The following PLEK variants were observed in gnomAD, a reference collection of about 807,000 sequenced individuals.
The protein encoded by PLEK is pleckstrin, also known as platelet 47 kDa protein.
In PLEK, 25 loss-of-function variants were observed where a neutral mutation model predicts 43.9. The ratio of observed to expected loss-of-function variants is 0.57; its 90% CI spans 0.41 to 0.79. The LOEUF (loss-of-function observed/expected upper bound fraction) is 0.79. PLEK is among the 30% of genes least tolerant of loss of function. PLEK has a pLI of 0.00. For missense variants in PLEK, 396 were observed against 413.3 expected, an observed-to-expected ratio of 0.96 and a Z score of 0.36; for synonymous variants, 152 against 144.4, an observed-to-expected ratio of 1.05 and a Z score of -0.38.
intron 6 of PLEK, among the ~76,000 whole-genome samples, chr2:68,391,043 T>C (rs1042515800): frequency 5.9e-5 from 9 of 152,232 alleles, no homozygotes; most frequent in African/African-American, 1.9e-4. Context: ...TGATTTATCA[T>C]AGGCAATGAA....
chr2:68,385,270 A>G (rs963485814), intron 4 of PLEK, among the ~76,000 whole-genome samples: 3 of 152,292 alleles, frequency 2.0e-5, no homozygotes, highest in East Asian at 3.9e-4. Context: ...AAGAACAAAC[A>G]TGCTGTTTTT....
At chr2:68,374,023 T>C (rs1237802528) in intron 1 of PLEK, among the ~76,000 whole-genome samples, 2 of 152,332 alleles carry the variant, frequency 1.3e-5, no homozygotes, top group East Asian at 3.9e-4. Flanking sequence ...ATTATTCATA[T>C]AGCCTTTACC....
chr2:68,370,774 T>G (rs935346764), intron 1 of PLEK, among the ~76,000 whole-genome samples: 1 of 152,184 alleles, frequency 6.6e-6, no homozygotes, highest in Non-Finnish European at 1.5e-5. Flanking sequence ...GTGTGAGTAC[T>G]GCGCTCAGAG....
At chr2:68,392,559 G>C (rs1045520397) in intron 6 of PLEK, among the ~76,000 whole-genome samples, 1 of 152,138 alleles carries the variant, frequency 6.6e-6, no homozygotes, top group Non-Finnish European at 1.5e-5. Flanking sequence ...ATTCTAGCCA[G>C]ACTGGTCTTA....
intron 7 of PLEK, among the ~76,000 whole-genome samples, chr2:68,393,709 C>A (rs891889846): frequency 1.3e-5 from 2 of 152,156 alleles, no homozygotes; most frequent in African/African-American, 2.4e-5. Context: ...GTAGGGTGCT[C>A]ACCCTCCGCT....
chr2:68,377,914 G>T (rs115049854), intron 1 of PLEK, among the ~76,000 whole-genome samples: 1 of 152,074 alleles, frequency 6.6e-6, no homozygotes, highest in African/African-American at 2.4e-5. Context: ...AATTACCACC[G>T]TTCATTCCAC....
At chr2:68,395,180 C>T (rs1471681016) in intron 8 of PLEK, among the ~76,000 whole-genome samples, 3 of 149,710 alleles carry the variant, frequency 2.0e-5, no homozygotes, top group Non-Finnish European at 3.0e-5. Context: ...TGTATATAAA[C>T]ATATATATAT....
At chr2:68,377,652 C>A (rs1673531484) in intron 1 of PLEK, among the ~76,000 whole-genome samples, 1 of 152,072 alleles carries the variant, frequency 6.6e-6, no homozygotes, top group African/African-American at 2.4e-5. Context: ...GTCTGAGCTC[C>A]TGATATATTC....
chr2:68,380,552 A>T, intron 2 of PLEK, 69 bp downstream of exon 2: 1 of 1,513,252 alleles, frequency 6.6e-7, no homozygotes, highest in Non-Finnish European at 9.1e-7. Context: ...AGCATTGCCT[A>T]CAATGTGGGT....
At chr2:68,391,362 T>C (rs1673855567) in intron 6 of PLEK, among the ~76,000 whole-genome samples, 1 of 152,212 alleles carries the variant, frequency 6.6e-6, no homozygotes, top group Non-Finnish European at 1.5e-5. Flanking sequence ...CATGTGTGTC[T>C]GTCAGTGAAG....
At chr2:68,374,327 A>G (rs903396216) in intron 1 of PLEK, among the ~76,000 whole-genome samples, 1 of 152,244 alleles carries the variant, frequency 6.6e-6, no homozygotes, top group African/African-American at 2.4e-5. Flanking sequence ...AATATTCTGC[A>G]TAGCGGCTTT....
chr2:68,384,173 TTCTCCTTCTCCTTCTCCTTCTCC>T (rs1558499391), intron 4 of PLEK, among the ~76,000 whole-genome samples: 15 of 45,868 alleles, frequency 3.3e-4, no homozygotes, highest in Admixed American at 4.6e-4. Flanking sequence ...CTCCTTCTCC[TTCTCCTTCTCCTTCTCCTTCTCC>T]TTCTCCTCCT....
At chr2:68,393,099 T>G (rs540267131) in intron 6 of PLEK, 63 bp from the exon 7 acceptor site, 1 of 947,420 alleles carries the variant, frequency 1.1e-6, no homozygotes, top group South Asian at 1.3e-5. Context: ...CTGTAGGTAT[T>G]GTTTGTACAG....
chr2:68,368,292 C>A (rs1353001421), intron 1 of PLEK, among the ~76,000 whole-genome samples: 4 of 152,182 alleles, frequency 2.6e-5, no homozygotes, highest in African/African-American at 7.2e-5. Context: ...TCTAGCCAAC[C>A]ATGGAGCAGC....
At chr2:68,385,868 C>G (rs909440786) in intron 4 of PLEK, among the ~76,000 whole-genome samples, 22 of 152,164 alleles carry the variant, frequency 1.4e-4, no homozygotes, top group African/African-American at 5.3e-4. Context: ...GCACTTGTTA[C>G]AAGACTTATT....
chr2:68,396,373 T>A lies in PLEK; in HGVS notation c.*557T>A, dbSNP rs1246329681. 6.6e-6 allele frequency: 1 copy of A among 152,134 alleles called. No individual in the cohort carries two copies. Among genetic ancestry groups the A allele is most frequent in the Non-Finnish European group, 1.5e-5 (1 of 68,066 alleles). 9.4% of individuals were successfully genotyped at this position (152,134 alleles called of 1,614,324 possible). On this transcript the variant is annotated 3_prime_UTR_variant, in exon 9 of 9. Coordinates refer to ENST00000234313, the MANE Select transcript of PLEK (RefSeq NM_002664.3). ...AGACATCTTCTACTTGCTCTTGGCCTTGAGATCGTGTAACAAAATGAAGGA... is the reference window on the plus strand; with the variant it reads ...AGACATCTTCTACTTGCTCTTGGCCATGAGATCGTGTAACAAAATGAAGGA...
intron 1 of PLEK, among the ~76,000 whole-genome samples, chr2:68,378,959 C>T (rs901130807): frequency 6.6e-6 from 1 of 151,990 alleles, no homozygotes; most frequent in Admixed American, 6.5e-5. Flanking sequence ...GAAACCCCGT[C>T]TTTACTGAAA....
intron 1 of PLEK, 48 bp downstream of exon 1, chr2:68,365,441 G>C (rs1435775477): frequency 6.7e-7 from 1 of 1,489,468 alleles, no homozygotes. Context: ...ATGGGCTGGG[G>C]AGACTTGGGT....
chr2:68,367,010 A>C (rs1268471635), intron 1 of PLEK, among the ~76,000 whole-genome samples: 2 of 152,218 alleles, frequency 1.3e-5, no homozygotes, highest in East Asian at 3.8e-4. Context: ...GGGATGATAG[A>C]GTCAGGGTTG....
Sources: allele counts gnomAD v4.1 joint callset (sites outside exome capture counted in the v4.1 genomes callset), GRCh38; gene constraint gnomAD v4.1.1; transcripts MANE v1.5; gene names NCBI Gene and HGNC (gene_info 2026-07-23, HGNC 2026-07-21).